Variants in PTPRM observed in about 807,000 individuals in gnomAD.
PTPRM encodes receptor-type tyrosine-protein phosphatase mu.
PTPRM carries 47 observed loss-of-function variants against 186.7 expected under a neutral mutation model. That is an observed-to-expected ratio of 0.25 (90% CI 0.20 to 0.32). PTPRM has a LOEUF of 0.32. Ranked by LOEUF, PTPRM falls within the 10% of genes least tolerant of loss-of-function variation. The probability of loss-of-function intolerance (pLI) is 1.00; values close to 1 mark genes in which losing one functional copy is unlikely to be tolerated. For missense variants in PTPRM, 1,494 were observed against 1,865.0 expected (o/e 0.80, Z 3.66); for synonymous variants, 668 against 674.9 (o/e 0.99, Z 0.16).
chr18:8,383,115 T>C (rs2095747993), intron 29 of PTPRM, among the ~76,000 whole-genome samples: 1 of 151,378 alleles, frequency 6.6e-6, no homozygotes, highest in South Asian at 2.1e-4. Context: ...CTGGCCAACA[T>C]GGTGAAACCC....
chr18:8,301,535 T>C (rs1473534166), intron 20 of PTPRM, among the ~76,000 whole-genome samples: 1 of 152,222 alleles, frequency 6.6e-6, no homozygotes, highest in Non-Finnish European at 1.5e-5. Context: ...CTTCCCAGGC[T>C]CCCTTCCTCC....
At chr18:7,605,217 G>A (rs1043529230) in intron 1 of PTPRM, among the ~76,000 whole-genome samples, 2 of 152,100 alleles carry the variant, frequency 1.3e-5, no homozygotes, top group African/African-American at 4.8e-5. Context: ...TTTTAAGAAA[G>A]TTAACAAATT....
At chr18:7,820,884 G>A (rs749220177) in intron 2 of PTPRM, among the ~76,000 whole-genome samples, 3 of 152,208 alleles carry the variant, frequency 2.0e-5, no homozygotes, top group South Asian at 2.1e-4. Context: ...AGGGAAGTGC[G>A]GCATGGAAAT....
intron 19 of PTPRM, among the ~76,000 whole-genome samples, chr18:8,281,662 C>T (rs2094905615): frequency 6.6e-6 from 1 of 152,060 alleles, no homozygotes; most frequent in Non-Finnish European, 1.5e-5. Flanking sequence ...TGAGTGCCAC[C>T]TCCCTGTTCA....
rs999703883 is a variant in PTPRM, at chr18:8,172,325, G to T, written c.2300+28546G>T. Among the ~76,000 whole-genome samples, 3 of 150,884 alleles carry T rather than the reference G, an allele frequency of 2.0e-5. No individual in the cohort carries two copies. In the South Asian group the frequency reaches 6.3e-4, roughly 32 times the overall value. On this transcript the variant is annotated intron_variant, in intron 14 of 32. Coordinates refer to ENST00000580170, the MANE Select transcript of PTPRM (RefSeq NM_001105244.2). ...TACCTATTCCCTGCAACTCATTCAG[G>T]GTATAGATGATCTTGTTTTATGGTC...
chr18:8,351,123 C>T (rs2095531959), intron 23 of PTPRM, among the ~76,000 whole-genome samples: 1 of 152,168 alleles, frequency 6.6e-6, no homozygotes, highest in African/African-American at 2.4e-5. Flanking sequence ...CCTGCTTAAC[C>T]AGGGCCCTTC....
intron 7 of PTPRM, among the ~76,000 whole-genome samples, chr18:8,055,461 T>C (rs2087854845): frequency 6.6e-6 from 1 of 152,244 alleles, no homozygotes; most frequent in African/African-American, 2.4e-5. Flanking sequence ...GAGGTTTTTG[T>C]TTTATTTCAA....
intron 14 of PTPRM, among the ~76,000 whole-genome samples, chr18:8,183,569 C>T (rs1459200806): frequency 6.6e-6 from 1 of 152,110 alleles, no homozygotes; most frequent in African/African-American, 2.4e-5. Flanking sequence ...GAGCCTCGTA[C>T]GGAATCTCAT....
At chr18:7,628,965 T>C (rs1169569664) in intron 1 of PTPRM, among the ~76,000 whole-genome samples, 1 of 152,210 alleles carries the variant, frequency 6.6e-6, no homozygotes, top group Non-Finnish European at 1.5e-5. Context: ...TACGTGATGC[T>C]GGTTTCATGA....
rs568697808 is a variant in PTPRM at position 7,720,708 on chromosome 18, C to T, written c.74-53441C>T. Among the ~76,000 whole-genome samples, 29 of 152,244 alleles carry T rather than the reference C, an allele frequency of 1.9e-4. No homozygotes were observed. The East Asian group carries it at 3.3e-3, about 17-fold the overall frequency. On this transcript the variant is annotated intron_variant, in intron 1 of 32. Transcript: ENST00000580170. ...CTCATTTTGACTACTCTAGGTATCC[C>T]ATATAAGGAGAATCATACAATATTT... is the stretch of plus-strand genomic sequence containing the variant.
chr18:8,311,500 T>C (rs1194909625), intron 20 of PTPRM, among the ~76,000 whole-genome samples: 1 of 152,118 alleles, frequency 6.6e-6, no homozygotes, highest in East Asian at 1.9e-4. Flanking sequence ...TGGAGTCTTT[T>C]GGAGTTAGGC....
intron 7 of PTPRM, among the ~76,000 whole-genome samples, chr18:8,051,336 G>A (rs929860165): frequency 6.6e-5 from 10 of 152,240 alleles, no homozygotes; most frequent in African/African-American, 2.2e-4. Context: ...AAGGACATAC[G>A]TAACCTACAT....
At chr18:8,233,307 C>T (rs1400001893) in intron 14 of PTPRM, among the ~76,000 whole-genome samples, 1 of 152,206 alleles carries the variant, frequency 6.6e-6, no homozygotes. Flanking sequence ...AGTCTTGTTG[C>T]TCTATATTCT....
intron 2 of PTPRM, among the ~76,000 whole-genome samples, chr18:7,786,003 C>G (rs2043081952): frequency 6.6e-6 from 1 of 152,004 alleles, no homozygotes; most frequent in Non-Finnish European, 1.5e-5. Flanking sequence ...CATTTGTATC[C>G]TATCCATAAT....
chr18:7,700,458 G>A (rs985926611), intron 1 of PTPRM, among the ~76,000 whole-genome samples: 1 of 152,158 alleles, frequency 6.6e-6, no homozygotes, highest in Non-Finnish European at 1.5e-5. Flanking sequence ...TGAAGTCCTA[G>A]GTAGTAGATA....
At chr18:8,054,093 T>C (rs2087714324) in intron 7 of PTPRM, among the ~76,000 whole-genome samples, 1 of 151,948 alleles carries the variant, frequency 6.6e-6, no homozygotes, top group African/African-American at 2.4e-5. Context: ...CTTGTTTCAT[T>C]CTTACACTTT....
intron 13 of PTPRM, among the ~76,000 whole-genome samples, chr18:8,134,627 G>C (rs2092595361): frequency 6.6e-6 from 1 of 152,068 alleles, no homozygotes; most frequent in African/African-American, 2.4e-5. Flanking sequence ...CATATTACCA[G>C]ATCTTTCTTT....
intron 1 of PTPRM, among the ~76,000 whole-genome samples, chr18:7,705,957 A>G (rs1038171343): frequency 2.0e-4 from 30 of 147,978 alleles, no homozygotes; most frequent in African/African-American, 6.8e-4. Flanking sequence ...ATTTATATAT[A>G]TATATATAAA....
intron 20 of PTPRM, among the ~76,000 whole-genome samples, chr18:8,314,508 T>TATGTAAA (rs1180266530): frequency 1.3e-5 from 2 of 152,266 alleles, no homozygotes; most frequent in Non-Finnish European, 2.9e-5. Flanking sequence ...CACAGGATTG[T>TATGTAAA]ATGTAAAAGT....
Sources: gnomAD v4.1 joint callset for allele counts (sites outside exome capture counted in the v4.1 genomes callset) on GRCh38, gnomAD v4.1.1 for gene constraint, MANE v1.5 for transcripts, NCBI Gene and HGNC (gene_info 2026-07-23, HGNC 2026-07-21) for gene names.